The following TFCP2 variants were observed in gnomAD, a reference collection of about 807,000 sequenced individuals.
The protein encoded by TFCP2 is transcription factor CP2, also known as alpha-globin transcription factor CP2.
In TFCP2, 33 loss-of-function variants were observed where a neutral mutation model predicts 73.4. The ratio of observed to expected loss-of-function variants is 0.45; its 90% CI spans 0.34 to 0.60. The LOEUF (loss-of-function observed/expected upper bound fraction) is 0.60. Ranked by LOEUF, TFCP2 falls within the 20% of genes least tolerant of loss-of-function variation. TFCP2 has a pLI of 0.01. For missense variants in TFCP2, 352 were observed against 604.0 expected (o/e 0.58, Z 4.37); for synonymous variants, 193 against 211.6 (o/e 0.91, Z 0.76).
intron 1 of TFCP2, among the ~76,000 whole-genome samples, chr12:51,136,177 C>A (rs1941055984): frequency 6.6e-6 from 1 of 151,664 alleles, no homozygotes; most frequent in African/African-American, 2.4e-5. Flanking sequence ...GGTGTGGTGG[C>A]AGGTGCCTGT....
chr12:51,096,590 G>A (rs1297001303), intron 13 of TFCP2, among the ~76,000 whole-genome samples: 1 of 152,144 alleles, frequency 6.6e-6, no homozygotes, highest in Non-Finnish European at 1.5e-5. Flanking sequence ...TGAGCCACAT[G>A]GTTTCTAACT....
At chr12:51,104,037 G>GTT (rs756330697) in intron 9 of TFCP2, 118 bp downstream of exon 9, 6 of 1,058,772 alleles carry the variant, frequency 5.7e-6, no homozygotes, top group Non-Finnish European at 8.8e-6. Context: ...TTCAATAAAT[G>GTT]TTTGTTTAAT....
chr12:51,096,702 T>C (rs899923445), intron 13 of TFCP2, among the ~76,000 whole-genome samples: 1 of 152,216 alleles, frequency 6.6e-6, no homozygotes, highest in African/African-American at 2.4e-5. Context: ...ATTTCTGGTA[T>C]ATAATTCTGA....
chr12:51,150,641 T>C (rs940535413), intron 1 of TFCP2, among the ~76,000 whole-genome samples: 1 of 151,970 alleles, frequency 6.6e-6, no homozygotes, highest in Non-Finnish European at 1.5e-5. Context: ...GGACAGATGA[T>C]AATTGAAGTG....
Position 51,109,124 on chromosome 12 carries a change from G to A in TFCP2, c.714C>T (p.Phe238=). 1 of 1,614,172 alleles carries A rather than the reference G, an allele frequency of 6.2e-7. No homozygotes were observed. Among genetic ancestry groups the A allele is most frequent in the Non-Finnish European group, 8.5e-7 (1 of 1,179,998 alleles). The change falls in exon 6 of 15, where the codon TTC becomes TTT. Residue 238 remains phenylalanine, a synonymous_variant. Transcript: ENST00000257915. ...CCAGCACATTGCCCAGGAATACCTT[G>A]AAAACTTTGATCTGGCAGCTGGCCG... ...LHSASCQIKV[F]KPKGADRKQK... is the part of the protein sequence containing the mutation.
At chr12:51,124,752 G>GCCTTTTTCTGCTGCTCAA (rs767527999) in intron 1 of TFCP2, 1 of 748,740 alleles carries the variant, frequency 1.3e-6, no homozygotes, top group Non-Finnish European at 2.4e-6. Flanking sequence ...GATCACGGCT[G>GCCTTTTTCTGCTGCTCAA]CCTTTTTCTG....
intron 1 of TFCP2, among the ~76,000 whole-genome samples, chr12:51,149,733 G>A (rs1430955158): frequency 6.6e-6 from 1 of 152,004 alleles, no homozygotes; most frequent in Non-Finnish European, 1.5e-5. Context: ...CTGAGTAGCT[G>A]GGACTACAGG....
chr12:51,166,231 C>T (rs1373818210), intron 1 of TFCP2, among the ~76,000 whole-genome samples: 1 of 150,816 alleles, frequency 6.6e-6, no homozygotes, highest in Non-Finnish European at 1.5e-5. Flanking sequence ...AGGAGAATCG[C>T]TTGAAGCTGG....
At chr12:51,141,264 C>T (rs1201173728) in intron 1 of TFCP2, among the ~76,000 whole-genome samples, 2 of 150,816 alleles carry the variant, frequency 1.3e-5, no homozygotes, top group African/African-American at 4.8e-5. Flanking sequence ...TATAGCTGAT[C>T]TTTCTGCCCA....
At chr12:51,145,259 G>A (rs1566224396) in intron 1 of TFCP2, among the ~76,000 whole-genome samples, 1 of 150,186 alleles carries the variant, frequency 6.7e-6, no homozygotes, top group Non-Finnish European at 1.5e-5. Flanking sequence ...GTGCACACCT[G>A]TAATTCCAGC....
intron 11 of TFCP2, 104 bp from the exon 12 acceptor site, chr12:51,099,883 A>G: frequency 7.2e-7 from 1 of 1,388,594 alleles, no homozygotes. Flanking sequence ...GAGCAGATGA[A>G]AATTGGAAGC....
Position 51,094,020 on chromosome 12 carries a change from TAAGG to T in TFCP2, c.*1217_*1220del, listed in dbSNP as rs1020697177. 15 of 151,686 alleles carry T rather than the reference TAAGG, an allele frequency of 9.9e-5. No individual in the cohort carries two copies. The highest frequency in any genetic ancestry group is 2.7e-4 in the African/African-American group (11 of 41,204). 9.4% of individuals were successfully genotyped at this position (151,686 alleles called of 1,614,324 possible). A position where few individuals can be genotyped will look rare whatever the true frequency, so the allele number is the denominator to read the frequency against. On this transcript the variant is annotated 3_prime_UTR_variant, in exon 15 of 15. Coordinates refer to ENST00000257915, the MANE Select transcript of TFCP2 (RefSeq NM_005653.5). Reference sequence around the variant, plus strand: ...ACACACACACACACACAATCATTCTTAAGGAAGAACAAAAACATGGTAAGAGTGT... The same window carrying T: ...ACACACACACACACACAATCATTCTTAAGAACAAAAACATGGTAAGAGTGT...
chr12:51,164,026 C>A (rs1293684864), intron 1 of TFCP2, among the ~76,000 whole-genome samples: 2 of 150,996 alleles, frequency 1.3e-5, no homozygotes, highest in East Asian at 4.0e-4. Flanking sequence ...GACAGTGAGA[C>A]CCCATCTCTA....
At chr12:51,125,400 G>A in intron 1 of TFCP2, 3 of 450,666 alleles carry the variant, frequency 6.7e-6, no homozygotes, top group South Asian at 5.1e-5. Context: ...AAACACTTTG[G>A]CTGCCATGTT....
At chr12:51,171,557 T>C (rs1941862765) in intron 1 of TFCP2, among the ~76,000 whole-genome samples, 1 of 151,782 alleles carries the variant, frequency 6.6e-6, no homozygotes, top group Non-Finnish European at 1.5e-5. Flanking sequence ...TTTGTATTTT[T>C]AGTAGAGACG....
At chr12:51,140,472 G>A (rs1265089345) in intron 1 of TFCP2, among the ~76,000 whole-genome samples, 5 of 91,624 alleles carry the variant, frequency 5.5e-5, no homozygotes, top group Non-Finnish European at 1.1e-4. Context: ...TTTTTGTAGA[G>A]GTGGGGTCTC....
chr12:51,168,310 T>C (rs1941794609), intron 1 of TFCP2, among the ~76,000 whole-genome samples: 1 of 152,082 alleles, frequency 6.6e-6, no homozygotes, highest in East Asian at 1.9e-4. Flanking sequence ...GGACAGCTAC[T>C]TGGGAGGACT....
intron 14 of TFCP2, 144 bp downstream of exon 14, chr12:51,095,843 TAA>T (rs903053631): frequency 2.4e-6 from 1 of 416,164 alleles, no homozygotes; most frequent in African/African-American, 2.1e-5. Context: ...AAAGCCAACT[TAA>T]AAAAAGGAAC....
chr12:51,119,257 A>G (rs78352946), intron 1 of TFCP2, among the ~76,000 whole-genome samples: 3 of 152,348 alleles, frequency 2.0e-5, no homozygotes, highest in African/African-American at 7.2e-5. Context: ...TGGAATAACA[A>G]CTAATATTGA....
Sources: gnomAD v4.1 joint callset for allele counts (sites outside exome capture counted in the v4.1 genomes callset) on GRCh38, gnomAD v4.1.1 for gene constraint, MANE v1.5 for transcripts, NCBI Gene and HGNC (gene_info 2026-07-23, HGNC 2026-07-21) for gene names.